The following RAB38 variants were observed in gnomAD, a reference collection of about 807,000 sequenced individuals.
RAB38 encodes ras-related protein Rab-38.
In RAB38, 15 loss-of-function variants were observed where a neutral mutation model predicts 18.4. That is an observed-to-expected ratio of 0.82 (90% CI 0.55 to 1.26). RAB38 has a LOEUF of 1.26. Ranked by LOEUF, RAB38 falls within the 50% of genes most tolerant of loss-of-function variation. The pLI is 0.00. For missense variants in RAB38, 294 were observed against 267.4 expected (o/e 1.10, Z -0.69); for synonymous variants, 101 against 104.4 (o/e 0.97, Z 0.20).
At chr11:88,018,966 T>C in the RAB38 span, among the ~76,000 whole-genome samples, 2 of 149,832 alleles carry the variant, frequency 1.3e-5, no homozygotes, top group Admixed American at 6.7e-5. Flanking sequence ...ATTTTTTTTA[T>C]TTTTGGAAGG....
the RAB38 span, among the ~76,000 whole-genome samples, chr11:88,060,550 C>A: frequency 6.6e-6 from 1 of 151,978 alleles, no homozygotes; most frequent in Non-Finnish European, 1.5e-5. Context: ...AGCAACTTGC[C>A]CAAGATCATA....
chr11:88,151,727 G>T (rs1207425887), intron 1 of RAB38, among the ~76,000 whole-genome samples: 1 of 152,140 alleles, frequency 6.6e-6, no homozygotes, highest in African/African-American at 2.4e-5. Flanking sequence ...TTTAATTCAA[G>T]TTAGCAAGCT....
intron 1 of RAB38, chr11:88,167,133 G>C (rs1683204945): frequency 6.6e-6 from 1 of 152,146 alleles, no homozygotes; most frequent in Non-Finnish European, 1.5e-5. Flanking sequence ...GGTTTCAACA[G>C]ACATTCTGGA....
At chr11:87,932,038 A>T in the RAB38 span, among the ~76,000 whole-genome samples, 2 of 151,880 alleles carry the variant, frequency 1.3e-5, 1 homozygote, top group South Asian at 4.1e-4. Context: ...TGCTCTCTCC[A>T]TGTCCCAGTT....
chr11:88,094,784 G>A, the RAB38 span, among the ~76,000 whole-genome samples: 4 of 151,820 alleles, frequency 2.6e-5, no homozygotes, highest in African/African-American at 7.2e-5. Context: ...TGCCAACTTC[G>A]AGTGTGTTCT....
At chr11:87,925,183 G>C in the RAB38 span, among the ~76,000 whole-genome samples, 1 of 152,144 alleles carries the variant, frequency 6.6e-6, no homozygotes, top group Middle Eastern at 3.4e-3. Context: ...TCCTAGATCT[G>C]AGTATACTGA....
At chr11:88,086,970 GGA>G in the RAB38 span, among the ~76,000 whole-genome samples, 7 of 140,782 alleles carry the variant, frequency 5.0e-5, no homozygotes, top group Admixed American at 1.4e-4. Flanking sequence ...AATGCTATGG[GGA>G]CAAATTGGAG....
chr11:87,863,916 A>G, the RAB38 span, among the ~76,000 whole-genome samples: 1 of 151,672 alleles, frequency 6.6e-6, no homozygotes, highest in Non-Finnish European at 1.5e-5. Context: ...GTGCTGCCCC[A>G]TGGGCTAATA....
chr11:88,170,441 G>T (rs1221614165), intron 1 of RAB38, among the ~76,000 whole-genome samples: 3 of 152,066 alleles, frequency 2.0e-5, no homozygotes, highest in Non-Finnish European at 4.4e-5. Context: ...TTCAGAAATC[G>T]GTACTAAAGA....
the RAB38 span, among the ~76,000 whole-genome samples, chr11:87,886,137 G>A: frequency 2.6e-5 from 4 of 151,940 alleles, no homozygotes; most frequent in African/African-American, 7.2e-5. Flanking sequence ...AATAGCGTGG[G>A]CTCCCAGATC....
intron 2 of RAB38, among the ~76,000 whole-genome samples, chr11:88,118,882 T>C (rs1210219870): frequency 2.6e-5 from 4 of 152,196 alleles, no homozygotes; most frequent in Non-Finnish European, 4.4e-5. Context: ...AATACTCACA[T>C]TGAATATTCA....
chr11:87,808,831 A>G, the RAB38 span, among the ~76,000 whole-genome samples: 1 of 152,172 alleles, frequency 6.6e-6, no homozygotes, highest in African/African-American at 2.4e-5. Context: ...ACAAAAATAC[A>G]TATATCAGGA....
At chr11:87,863,143 C>T in the RAB38 span, among the ~76,000 whole-genome samples, 3 of 151,668 alleles carry the variant, frequency 2.0e-5, no homozygotes, top group African/African-American at 4.8e-5. Flanking sequence ...AGTAGATGAG[C>T]GGGACTAGAA....
chr11:88,006,017 A>G, the RAB38 span, among the ~76,000 whole-genome samples: 4 of 151,592 alleles, frequency 2.6e-5, no homozygotes, highest in East Asian at 1.9e-4. Flanking sequence ...ATAGAAGAAT[A>G]TATTTGCAAA....
chr11:88,052,935 T>TATATC, the RAB38 span, among the ~76,000 whole-genome samples: 840 of 85,774 alleles, frequency 9.8e-3, 64 homozygotes, highest in African/African-American at 0.033. Flanking sequence ...TATATATATA[T>TATATC]ATATATATAA....
At chr11:87,902,839 T>C in the RAB38 span, among the ~76,000 whole-genome samples, 2 of 150,790 alleles carry the variant, frequency 1.3e-5, no homozygotes, top group Non-Finnish European at 3.0e-5. Context: ...GATAGATTTA[T>C]ATGTATATTT....
the RAB38 span, among the ~76,000 whole-genome samples, chr11:87,944,015 G>T: frequency 6.6e-6 from 1 of 152,104 alleles, no homozygotes; most frequent in African/African-American, 2.4e-5. Flanking sequence ...AATATTGCAG[G>T]TTAGGTTTCA....
chr11:88,058,925 T>C, the RAB38 span, among the ~76,000 whole-genome samples: 2 of 152,240 alleles, frequency 1.3e-5, no homozygotes, highest in Non-Finnish European at 2.9e-5. Flanking sequence ...GACTTGGCAC[T>C]GCAGGTAAGT....
intron 2 of RAB38, among the ~76,000 whole-genome samples, chr11:88,115,117 T>C (rs1003298649): frequency 6.6e-5 from 10 of 152,170 alleles, no homozygotes; most frequent in African/African-American, 2.2e-4. Context: ...CTAAGACATA[T>C]AGAAAATATA....
Sources: allele counts gnomAD v4.1 joint callset (sites outside exome capture counted in the v4.1 genomes callset), GRCh38; gene constraint gnomAD v4.1.1; transcripts MANE v1.5; gene names NCBI Gene and HGNC (gene_info 2026-07-23, HGNC 2026-07-21).